Variants in ARFGEF1 observed in about 807,000 individuals in gnomAD.
ARFGEF1 encodes brefeldin A-inhibited guanine nucleotide-exchange protein 1.
Under a neutral mutation model 231.0 loss-of-function variants are expected in ARFGEF1, and 42 were observed. The ratio of observed to expected loss-of-function variants is 0.18; its 90% CI spans 0.14 to 0.24. ARFGEF1 has a LOEUF of 0.24. ARFGEF1 is among the 10% of genes least tolerant of loss of function. ARFGEF1 has a pLI of 1.00. For synonymous variants in ARFGEF1, 710 were observed against 732.3 expected (o/e 0.97, Z 0.49); for missense variants, 1,345 against 2,192.0 (o/e 0.61, Z 7.72).
At chr8:67,209,828 C>T (rs780343211) in intron 34 of ARFGEF1, among the ~76,000 whole-genome samples, 2 of 151,978 alleles carry the variant, frequency 1.3e-5, no homozygotes. Context: ...GGTTGGGGTG[C>T]AGTGTGGAGA....
intron 1 of ARFGEF1, among the ~76,000 whole-genome samples, chr8:67,329,469 C>T (rs1412538483): frequency 6.6e-6 from 1 of 151,440 alleles, no homozygotes; most frequent in Admixed American, 6.6e-5. Context: ...GCGGAGCTTG[C>T]AGTGAGCCGA....
intron 27 of ARFGEF1, among the ~76,000 whole-genome samples, chr8:67,226,399 CAT>C (rs1307534266): frequency 6.6e-6 from 1 of 152,036 alleles, no homozygotes; most frequent in Non-Finnish European, 1.5e-5. Context: ...ACATTATAAA[CAT>C]AGCACCTAAT....
chr8:67,223,084 C>T (rs759475169), intron 29 of ARFGEF1, among the ~76,000 whole-genome samples: 6 of 152,156 alleles, frequency 3.9e-5, no homozygotes, highest in Non-Finnish European at 8.8e-5. Context: ...TTAAATGATG[C>T]CTGACTATAT....
intron 34 of ARFGEF1, among the ~76,000 whole-genome samples, chr8:67,208,054 G>T (rs930267622): frequency 6.6e-6 from 1 of 152,158 alleles, no homozygotes; most frequent in African/African-American, 2.4e-5. Context: ...AGTGAGAAAA[G>T]CCACTCGCTA....
intron 1 of ARFGEF1, among the ~76,000 whole-genome samples, chr8:67,314,236 T>C (rs1239071119): frequency 6.6e-6 from 1 of 152,176 alleles, no homozygotes; most frequent in East Asian, 1.9e-4. Flanking sequence ...TCCCTAACTG[T>C]GAAGTCTACA....
At chr8:67,182,753 A>T (rs1360510067) in intron 5 of ARFGEF1, among the ~76,000 whole-genome samples, 1 of 152,190 alleles carries the variant, frequency 6.6e-6, no homozygotes, top group Non-Finnish European at 1.5e-5. Context: ...ACATCTTTAC[A>T]TGTGCTTATT....
At chr8:67,218,885 G>T (rs1190976342) in intron 30 of ARFGEF1, among the ~76,000 whole-genome samples, 1 of 151,868 alleles carries the variant, frequency 6.6e-6, no homozygotes, top group Non-Finnish European at 1.5e-5. Flanking sequence ...TCAAAATGAG[G>T]AAAAGAAACG....
chr8:67,246,429 A>G (rs919177242), intron 19 of ARFGEF1, among the ~76,000 whole-genome samples: 2 of 150,546 alleles, frequency 1.3e-5, no homozygotes, highest in Non-Finnish European at 3.0e-5. Context: ...CAACGGAATA[A>G]AACTAGAAAT....
intron 19 of ARFGEF1, among the ~76,000 whole-genome samples, chr8:67,245,561 C>A (rs1050448898): frequency 2.7e-5 from 4 of 150,054 alleles, no homozygotes; most frequent in Non-Finnish European, 5.9e-5. Flanking sequence ...ATAGTACTTG[C>A]AAGCCTCATG....
At position 67,341,463 on chromosome 8, in the gene ARFGEF1, G is replaced by A. The variant is rs146295779; in HGVS notation, c.124+1701C>T. Among the ~76,000 whole-genome samples, 527 of 151,550 alleles carry A rather than the reference G, an allele frequency of 3.5e-3. 2 individuals are homozygous for A. The highest frequency in any genetic ancestry group is 0.011 in the African/African-American group (445 of 41,304). The stretch of plus-strand genomic sequence containing the variant: ...AAAAAAAAAAAATTAGCCAGGTGTG[G>A]TGGTGTGCCTGAAGTCCCAATTACT... On this transcript the variant is annotated intron_variant, in intron 1 of 38. Coordinates refer to ENST00000262215, the MANE Select transcript of ARFGEF1 (RefSeq NM_006421.5).
chr8:67,327,208 CCT>C (rs1397193045), intron 1 of ARFGEF1, among the ~76,000 whole-genome samples: 1 of 152,032 alleles, frequency 6.6e-6, no homozygotes, highest in Admixed American at 6.6e-5. Context: ...TTTTCTTTTT[CCT>C]CTTACTCTAT....
At chr8:67,193,675 A>G, downstream of ARFGEF1, 1 of 1,333,968 alleles carries the variant, frequency 7.5e-7, no homozygotes. Context: ...CAAGGCTTTC[A>G]CTAACGTCTG....
chr8:67,249,873 C>T (rs1023881271), intron 19 of ARFGEF1, among the ~76,000 whole-genome samples: 3 of 152,182 alleles, frequency 2.0e-5, no homozygotes, highest in Non-Finnish European at 2.9e-5. Flanking sequence ...CCACCCACCT[C>T]GGCCTCCCGA....
At position 67,227,463 on chromosome 8, in the gene ARFGEF1, T is replaced by C. The variant is rs1839413587; in HGVS notation, c.3727A>G (p.Ile1243Val). 6.2e-7 allele frequency: 1 copy of C among 1,612,900 alleles called. No homozygotes were observed. Among genetic ancestry groups the C allele is most frequent in the Non-Finnish European group, 8.5e-7 (1 of 1,179,274 alleles). ...ATATAGTACCTGTTCCGTTTCATTA[T>C]ATGTTCAAAAGGTCTTAAGAAATCC... Reference protein sequence around the residue: ...QKDFLRPFEHIMKRNRSPTIR... With the variant: ...QKDFLRPFEHVMKRNRSPTIR... Residue 1243 changes from isoleucine to valine, a missense_variant, in exon 26 of 39, where the codon ATA becomes GTA. Transcript: ENST00000262215.
At chr8:67,277,247 A>G in intron 8 of ARFGEF1, 35 bp downstream of exon 8, 1 of 1,599,612 alleles carries the variant, frequency 6.3e-7, no homozygotes, top group Non-Finnish European at 8.5e-7. Flanking sequence ...TAAGATTAAC[A>G]GGATTTCTCC....
In ARFGEF1 at chr8:67,343,729, G is replaced by C. The variant is rs1186690825; in HGVS notation, c.-442C>G. 2.0e-6 allele frequency: 1 copy of C among 503,964 alleles called. No individual in the cohort carries two copies. The highest frequency in any genetic ancestry group is 2.6e-6 in the Non-Finnish European group (1 of 388,778). The allele number at this position is 503,964 out of a possible 1,614,324, so 31.2% of individuals were successfully genotyped here. A position where few individuals can be genotyped will look rare whatever the true frequency, so the allele number is the denominator to read the frequency against. ...GGGGATTAGCACCCGCCGCGGCCGC[G>C]AACTGGCCCCCATCACCGCCGACCT... On this transcript the variant is annotated 5_prime_UTR_variant, in exon 1 of 39. Transcript: ENST00000262215.
chr8:67,320,536 TTTATGTAAAAA>T (rs1186190634), intron 1 of ARFGEF1, among the ~76,000 whole-genome samples: 4 of 152,164 alleles, frequency 2.6e-5, no homozygotes, highest in African/African-American at 9.7e-5. Context: ...AAAACTTAAG[TTTATGTAAAAA>T]TCTGTACATG....
intron 1 of ARFGEF1, among the ~76,000 whole-genome samples, chr8:67,309,581 C>CA (rs1221753201): frequency 1.3e-5 from 2 of 152,240 alleles, no homozygotes; most frequent in Admixed American, 6.5e-5. Context: ...TTCCTAAAGC[C>CA]ATCTGTTTTG....
At chr8:67,285,893 A>G (rs915456800) in intron 7 of ARFGEF1, among the ~76,000 whole-genome samples, 1 of 152,182 alleles carries the variant, frequency 6.6e-6, no homozygotes, top group Non-Finnish European at 1.5e-5. Context: ...AAATGTCATG[A>G]AAGTTGGGGG....
Sources: allele counts gnomAD v4.1 joint callset (sites outside exome capture counted in the v4.1 genomes callset), GRCh38; gene constraint gnomAD v4.1.1; transcripts MANE v1.5; gene names NCBI Gene and HGNC (gene_info 2026-07-23, HGNC 2026-07-21).